Variants in KCNN2 observed in about 807,000 individuals in gnomAD.
KCNN2 encodes the protein potassium calcium-activated channel subfamily N member 2.
Under a neutral mutation model 55.5 loss-of-function variants are expected in KCNN2, and 24 were observed. The ratio of observed to expected loss-of-function variants is 0.43; its 90% CI spans 0.31 to 0.61. KCNN2 has a LOEUF of 0.61. Among genes scored for constraint, KCNN2 ranks in the 20% least tolerant of loss-of-function variants. The probability of loss-of-function intolerance (pLI) is 0.08; values close to 1 mark genes in which losing one functional copy is unlikely to be tolerated. For synonymous variants in KCNN2, 431 were observed against 336.1 expected, an observed-to-expected ratio of 1.28 and a Z score of -3.09; for missense variants, 754 against 853.6, an observed-to-expected ratio of 0.88 and a Z score of 1.45.
intron 2 of KCNN2, among the ~76,000 whole-genome samples, chr5:114,389,300 G>A (rs938043969): frequency 6.6e-6 from 1 of 152,060 alleles, no homozygotes; most frequent in African/African-American, 2.4e-5. Context: ...GTTGTCATTG[G>A]CATTGTCTCT....
At chr5:114,368,961 G>A (rs1757685548) in intron 2 of KCNN2, among the ~76,000 whole-genome samples, 1 of 151,952 alleles carries the variant, frequency 6.6e-6, no homozygotes, top group Non-Finnish European at 1.5e-5. Context: ...AGGCAAATTG[G>A]AGTTTTCTAA....
At chr5:114,261,344 A>C (rs1184602619) in intron 2 of KCNN2, among the ~76,000 whole-genome samples, 1 of 152,198 alleles carries the variant, frequency 6.6e-6, no homozygotes, top group Non-Finnish European at 1.5e-5. Flanking sequence ...CCCACAGCCC[A>C]ACACAGCACC....
At chr5:114,291,227 T>C (rs1755880330) in intron 2 of KCNN2, among the ~76,000 whole-genome samples, 1 of 152,124 alleles carries the variant, frequency 6.6e-6, no homozygotes, top group Admixed American at 6.6e-5. Flanking sequence ...TTAGGGTACA[T>C]GTGCACAATG....
At chr5:114,336,511 G>A (rs1366048489) in intron 2 of KCNN2, among the ~76,000 whole-genome samples, 1 of 152,168 alleles carries the variant, frequency 6.6e-6, no homozygotes, top group Non-Finnish European at 1.5e-5. Context: ...CACTGTACTA[G>A]AGATGCATCA....
chr5:114,143,526 C>T (rs1456842736), intron 1 of KCNN2, among the ~76,000 whole-genome samples: 3 of 152,096 alleles, frequency 2.0e-5, no homozygotes, highest in Non-Finnish European at 2.9e-5. Context: ...CTGTCTTATC[C>T]CTATGAACAG....
chr5:114,084,859 G>A (rs1428500667), intron 1 of KCNN2, among the ~76,000 whole-genome samples: 1 of 151,874 alleles, frequency 6.6e-6, no homozygotes, highest in Non-Finnish European at 1.5e-5. Context: ...CAAAACCTGT[G>A]TCTAGATTTG....
chr5:114,072,484 A>G (rs1750595649), intron 1 of KCNN2, among the ~76,000 whole-genome samples: 1 of 152,122 alleles, frequency 6.6e-6, no homozygotes, highest in Non-Finnish European at 1.5e-5. Context: ...CGTTATTAGC[A>G]TATAATTAAT....
In KCNN2 at chr5:114,326,583, C is replaced by T. The variant is rs190693678; in HGVS notation, c.-184-34362C>T. On this transcript the variant is annotated intron_variant, in intron 2 of 10. Coordinates refer to the KCNN2 transcript ENST00000512097. The stretch of plus-strand genomic sequence containing the variant: ...CTTCTGCACAATTCCTCTGAAAGCC[C>T]GTGAAAGACCAAACCTTGCCACACC... Among the ~76,000 whole-genome samples, 8 of 152,190 alleles carry T rather than the reference C, an allele frequency of 5.3e-5. No individual in the cohort carries two copies. In the East Asian group the frequency reaches 1.2e-3, roughly 22 times the overall value.
At chr5:114,129,886 T>A (rs1234389493) in intron 1 of KCNN2, among the ~76,000 whole-genome samples, 1 of 152,228 alleles carries the variant, frequency 6.6e-6, no homozygotes, top group African/African-American at 2.4e-5. Context: ...CCTTCTTCTG[T>A]GGAGTCTAGG....
intron 3 of KCNN2, among the ~76,000 whole-genome samples, chr5:114,432,253 T>C (rs1759820598): frequency 6.6e-6 from 1 of 152,222 alleles, no homozygotes; most frequent in Non-Finnish European, 1.5e-5. Flanking sequence ...TGATGCTCTG[T>C]TGTTAGGCCC....
intron 2 of KCNN2, among the ~76,000 whole-genome samples, chr5:114,399,842 T>C (rs1363838165): frequency 6.6e-6 from 1 of 152,094 alleles, no homozygotes; most frequent in Non-Finnish European, 1.5e-5. Flanking sequence ...GGAGATTGTA[T>C]GTTTCCAGGA....
At chr5:114,121,947 G>A (rs1246041869) in intron 1 of KCNN2, among the ~76,000 whole-genome samples, 1 of 152,198 alleles carries the variant, frequency 6.6e-6, no homozygotes, top group South Asian at 2.1e-4. Flanking sequence ...AGGGATTGGA[G>A]GATGTTTGTT....
At chr5:114,486,285 G>C (rs1019753303) in intron 5 of KCNN2, among the ~76,000 whole-genome samples, 4 of 152,188 alleles carry the variant, frequency 2.6e-5, no homozygotes, top group Admixed American at 6.6e-5. Context: ...CATAGTGTGA[G>C]CAAGGAAGAA....
At chr5:114,314,299 A>G (rs1756458062) in intron 2 of KCNN2, among the ~76,000 whole-genome samples, 1 of 152,126 alleles carries the variant, frequency 6.6e-6, no homozygotes, top group Non-Finnish European at 1.5e-5. Flanking sequence ...CATTTGTTTC[A>G]ATTGATGAAC....
chr5:114,340,142 A>T (rs955472243), intron 2 of KCNN2, among the ~76,000 whole-genome samples: 3 of 152,086 alleles, frequency 2.0e-5, no homozygotes, highest in Non-Finnish European at 4.4e-5. Flanking sequence ...TTTTTTGCCA[A>T]AAAGATTAAA....
At chr5:114,374,972 T>G (rs1010952905) in intron 2 of KCNN2, among the ~76,000 whole-genome samples, 15 of 152,192 alleles carry the variant, frequency 9.9e-5, no homozygotes, top group Non-Finnish European at 1.3e-4. Context: ...TCAGGAGGCT[T>G]TCGTTTTCCA....
chr5:114,316,231 T>C (rs1756499650), intron 2 of KCNN2, among the ~76,000 whole-genome samples: 2 of 152,142 alleles, frequency 1.3e-5, no homozygotes, highest in African/African-American at 4.8e-5. Context: ...TGTGGATTGT[T>C]ATAAATTTAT....
intron 1 of KCNN2, among the ~76,000 whole-genome samples, chr5:114,172,287 AG>A (rs1210576405): frequency 3.3e-5 from 5 of 151,990 alleles, no homozygotes; most frequent in Admixed American, 2.0e-4. Flanking sequence ...ATATTAACAA[AG>A]AAGGTAGGAA....
chr5:114,140,738 A>G (rs138533954), intron 1 of KCNN2, among the ~76,000 whole-genome samples: 4,658 of 148,964 alleles, frequency 0.031, 255 homozygotes, highest in African/African-American at 0.11. Context: ...AGATTAGTCT[A>G]TTGCAAAACA....
Sources: gnomAD v4.1 joint callset for allele counts (sites outside exome capture counted in the v4.1 genomes callset) on GRCh38, gnomAD v4.1.1 for gene constraint, MANE v1.5 for transcripts, NCBI Gene and HGNC (gene_info 2026-07-23, HGNC 2026-07-21) for gene names.